ZNF808: variants seen among roughly 807,000 people sequenced by gnomAD.
ZNF808 encodes the protein zinc finger protein 808.
Under a neutral mutation model 8.7 loss-of-function variants are expected in ZNF808, and 5 were observed. The ratio of observed to expected loss-of-function variants is 0.58; its 90% CI spans 0.30 to 1.21. The LOEUF is 1.21. Ranked by LOEUF, ZNF808 falls within the 50% of genes most tolerant of loss-of-function variation. The probability of loss-of-function intolerance (pLI) is 0.07; values close to 1 mark genes in which losing one functional copy is unlikely to be tolerated. For synonymous variants in ZNF808, 380 were observed against 366.0 expected (o/e 1.04, Z -0.44); for missense variants, 1,103 against 1,098.4 (o/e 1.00, Z -0.06).
chr19:52,552,311 C>G (rs1346678598), intron 4 of ZNF808, among the ~76,000 whole-genome samples: 1 of 152,102 alleles, frequency 6.6e-6, no homozygotes, highest in Non-Finnish European at 1.5e-5. Context: ...GCCACCGCAC[C>G]CGGCCCAAAA....
chr19:52,563,495 T>C (rs1031841325), exon 4 of ZNF808: 1 of 152,486 alleles, frequency 6.6e-6, no homozygotes, highest in African/African-American at 2.4e-5. Context: ...ATCATGCTAC[T>C]GCACTCCAGC....
At chr19:52,566,646 A>G (rs2059873676), downstream of ZNF808, among the ~76,000 whole-genome samples, 1 of 152,156 alleles carries the variant, frequency 6.6e-6, no homozygotes, top group African/African-American at 2.4e-5. Flanking sequence ...TTACAAAAGG[A>G]TGGTGTCTCC....
At chr19:52,545,136 A>C (rs186065980) in intron 3 of ZNF808, among the ~76,000 whole-genome samples, 2 of 152,340 alleles carry the variant, frequency 1.3e-5, no homozygotes, top group East Asian at 3.9e-4. Context: ...GATAGGCATC[A>C]GTGGTACAGG....
chr19:52,531,475 CAATA>C (rs1306390890), intron 1 of ZNF808, among the ~76,000 whole-genome samples: 24 of 151,964 alleles, frequency 1.6e-4, no homozygotes, highest in South Asian at 4.2e-4. Context: ...AACTCCATCT[CAATA>C]AATAAATAAA....
chr19:52,547,730 T>G, intron 4 of ZNF808, 92 bp downstream of exon 4: 1 of 1,400,884 alleles, frequency 7.1e-7, no homozygotes, highest in Non-Finnish European at 9.5e-7. Flanking sequence ...TTTTGCCCCA[T>G]CCATGCTGGT....
chr19:52,558,116 C>G (rs8104197), downstream of ZNF808, among the ~76,000 whole-genome samples: 11,616 of 132,196 alleles, frequency 0.088, 616 homozygotes, highest in Middle Eastern at 0.16. Context: ...GACAGAGTCT[C>G]GCTCTGTTGC....
intron 2 of ZNF808, among the ~76,000 whole-genome samples, chr19:52,537,135 G>A (rs796332827): frequency 6.6e-6 from 1 of 151,950 alleles, no homozygotes; most frequent in African/African-American, 2.4e-5. Flanking sequence ...GCGGTGAGCC[G>A]AGATCGCACC....
chr19:52,545,648 G>C (rs1406937686), intron 3 of ZNF808, among the ~76,000 whole-genome samples: 2 of 152,004 alleles, frequency 1.3e-5, no homozygotes, highest in Non-Finnish European at 2.9e-5. Flanking sequence ...TGTGGTGGCA[G>C]GTGCCTCAAA....
rs1336460191 is a variant in ZNF808 at position 52,533,923 on chromosome 19, A to T, written c.-20+914A>T. On this transcript the variant is annotated intron_variant, in intron 2 of 4. Transcript: ENST00000359798. ...CTCAGTAGGAAATTAAGTAATTCAA[A>T]CATCAAATGATTCCAATTTAAAGCT... Among the ~76,000 whole-genome samples, 5 of 150,426 alleles carry T rather than the reference A, an allele frequency of 3.3e-5. 1 individual carries two copies. The highest frequency in any genetic ancestry group is 7.4e-5 in the Non-Finnish European group (5 of 67,982).
At chr19:52,564,106 C>T (rs371153444) in exon 4 of ZNF808, 19 of 657,232 alleles carry the variant, frequency 2.9e-5, no homozygotes, top group South Asian at 5.7e-5. Context: ...CAGGATTAAG[C>T]GGTTTCTGGC....
chr19:52,558,763 A>G (rs894878632), downstream of ZNF808, among the ~76,000 whole-genome samples: 1 of 152,190 alleles, frequency 6.6e-6, no homozygotes, highest in Admixed American at 6.5e-5. Context: ...ATAAGAGACT[A>G]CATTTTGTTC....
At chr19:52,533,658 C>T (rs758388498) in intron 2 of ZNF808, among the ~76,000 whole-genome samples, 20 of 151,164 alleles carry the variant, frequency 1.3e-4, no homozygotes, top group Non-Finnish European at 2.2e-4. Flanking sequence ...AGTTCGACAC[C>T]GCCTGACAAA....
intron 2 of ZNF808, among the ~76,000 whole-genome samples, chr19:52,539,627 C>T (rs1231525024): frequency 8.0e-6 from 1 of 125,374 alleles, no homozygotes; most frequent in African/African-American, 3.0e-5. Flanking sequence ...CGATCTTGCT[C>T]ACTGCAACCT....
At chr19:52,566,401 G>A (rs1313640317), downstream of ZNF808, among the ~76,000 whole-genome samples, 1 of 151,980 alleles carries the variant, frequency 6.6e-6, no homozygotes, top group Non-Finnish European at 1.5e-5. Context: ...CCTGACCTCA[G>A]GTGATCCACC....
chr19:52,554,411 C>T lies in ZNF808; in HGVS notation c.1495C>T (p.Leu499=). 1 of 1,613,810 alleles carries T rather than the reference C, an allele frequency of 6.2e-7. No homozygotes were observed. The highest frequency in any genetic ancestry group is 8.5e-7 in the Non-Finnish European group (1 of 1,179,948). Residue 499 remains leucine (L), a synonymous_variant, in exon 5 of 5, where the codon CTA becomes TTA. Transcript: ENST00000359798. Reference sequence around the variant, plus strand: ...GACCTTCAGCCGCAGGTCATCCCTTCTATGCCATCGTAGACTTCATAGTGG... The same window carrying T: ...GACCTTCAGCCGCAGGTCATCCCTTTTATGCCATCGTAGACTTCATAGTGG... ...RKTFSRRSSL[L]CHRRLHSGEK...
chr19:52,546,938 A>G (rs1236569709), intron 3 of ZNF808, among the ~76,000 whole-genome samples: 1 of 118,820 alleles, frequency 8.4e-6, no homozygotes. Flanking sequence ...CATTGCCTGG[A>G]ATTGCTTTTT....
In ZNF808 at chr19:52,527,728, G is replaced by A. The variant is rs1274389260; in HGVS notation, c.-122+17G>A. ...GTCGCCATGGTGAGTTTTGCTCTGT[G>A]TTGCATTAAGTCTCCGCTTCCCAGG... is the stretch of plus-strand genomic sequence containing the variant. On this transcript the variant is annotated intron_variant, in intron 1 of 4. Transcript: ENST00000359798. The A allele has an allele frequency of 1.3e-5, 2 of 153,588 alleles. No homozygotes were observed. Among genetic ancestry groups the A allele is most frequent in the East Asian group, 1.9e-4 (1 of 5,214 alleles). 9.5% of individuals were successfully genotyped at this position (153,588 alleles called of 1,614,324 possible).
At position 52,554,243 on chromosome 19, in the gene ZNF808, G is replaced by C; in HGVS notation, c.1327G>C (p.Glu443Gln). 6.2e-7 allele frequency: 1 copy of C among 1,613,692 alleles called. No homozygotes were observed. The highest frequency in any genetic ancestry group is 8.5e-7 in the Non-Finnish European group (1 of 1,179,710). Residue 443 changes from glutamate to glutamine, a missense_variant, in exon 5 of 5, where the codon GAG (glutamate) becomes CAG (glutamine). Transcript: ENST00000359798. ...AGTTTTCAGTCAGAAATCAACCCTT[G>C]AGAGACATAAGAGAATTCATACTGG... Reference protein sequence around the residue: ...DKVFSQKSTLERHKRIHTGEK... With the variant: ...DKVFSQKSTLQRHKRIHTGEK...
exon 4 of ZNF808, chr19:52,564,436 T>G: frequency 3.6e-6 from 1 of 279,614 alleles, no homozygotes; most frequent in Non-Finnish European, 6.6e-6. Context: ...AAAAAAAATT[T>G]TAATGACATA....
Sources: allele counts gnomAD v4.1 joint callset (sites outside exome capture counted in the v4.1 genomes callset), GRCh38; gene constraint gnomAD v4.1.1; transcripts MANE v1.5; gene names NCBI Gene and HGNC (gene_info 2026-07-23, HGNC 2026-07-21).